Variants in CLIC5 observed in about 807,000 individuals in gnomAD.
The protein encoded by CLIC5 is CLIC family member 5.
A neutral mutation model predicts 24.7 loss-of-function variants in CLIC5; 20 were observed. The observed-to-expected ratio is 0.81, with a 90% CI of 0.57 to 1.18. The LOEUF is 1.18. CLIC5 is among the 50% of genes most tolerant of loss of function. The pLI is 0.00. For synonymous variants in CLIC5, 159 were observed against 135.6 expected, an observed-to-expected ratio of 1.17 and a Z score of -1.20; for missense variants, 341 against 326.1, an observed-to-expected ratio of 1.05 and a Z score of -0.35.
chr6:45,921,638 A>G (rs6904888), intron 4 of CLIC5, among the ~76,000 whole-genome samples: 51,881 of 151,426 alleles, frequency 0.34, 8,961 homozygotes, highest in East Asian at 0.47. Flanking sequence ...CAAGGCAGAA[A>G]TTCAGTGTCT....
At chr6:46,120,257 C>T in the CLIC5 span, among the ~76,000 whole-genome samples, 2 of 152,198 alleles carry the variant, frequency 1.3e-5, no homozygotes, top group South Asian at 4.1e-4. Context: ...GATCAGACAG[C>T]AACATTTGCT....
At chr6:45,967,904 C>T (rs78100556) in intron 1 of CLIC5, among the ~76,000 whole-genome samples, 76 of 152,290 alleles carry the variant, frequency 5.0e-4, no homozygotes, top group African/African-American at 1.6e-3. Context: ...AGGGAACCAA[C>T]CCCATGATCC....
At chr6:46,059,461 C>T (rs1375691190) in intron 1 of CLIC5, among the ~76,000 whole-genome samples, 1 of 152,126 alleles carries the variant, frequency 6.6e-6, no homozygotes, top group Admixed American at 6.5e-5. Context: ...GGAAGTTTTG[C>T]CTCTTTCATG....
intron 1 of CLIC5, among the ~76,000 whole-genome samples, chr6:46,027,342 A>T (rs1358344194): frequency 6.6e-6 from 1 of 152,190 alleles, no homozygotes; most frequent in African/African-American, 2.4e-5. Flanking sequence ...GGGAAGAGAG[A>T]TGGGAACAGC....
chr6:45,920,238 T>C (rs541838870), intron 4 of CLIC5: 2 of 984,022 alleles, frequency 2.0e-6, no homozygotes, highest in South Asian at 4.7e-5. Flanking sequence ...TTTCTCTGAG[T>C]AGAGGGGCAA....
intron 4 of CLIC5, among the ~76,000 whole-genome samples, chr6:45,919,746 G>T (rs565194796): frequency 6.6e-6 from 1 of 152,178 alleles, no homozygotes; most frequent in African/African-American, 2.4e-5. Context: ...CTACTGTCTT[G>T]TTGAAAATGC....
At chr6:45,923,828 C>G (rs979897424) in intron 4 of CLIC5, among the ~76,000 whole-genome samples, 7 of 152,190 alleles carry the variant, frequency 4.6e-5, no homozygotes, top group African/African-American at 1.4e-4. Flanking sequence ...ATACGCAAGT[C>G]AAGAGCACAG....
intron 1 of CLIC5, among the ~76,000 whole-genome samples, chr6:45,995,285 G>C (rs1384174730): frequency 2.6e-5 from 4 of 152,182 alleles, no homozygotes; most frequent in African/African-American, 9.7e-5. Flanking sequence ...TTCACATAAA[G>C]CTATTAGAGC....
intron 3 of CLIC5, among the ~76,000 whole-genome samples, chr6:45,945,959 A>G (rs947397602): frequency 7.2e-5 from 11 of 152,240 alleles, no homozygotes; most frequent in Non-Finnish European, 1.3e-4. Flanking sequence ...TTTTTATTAC[A>G]GCATCTATGT....
At chr6:46,070,338 C>G (rs1268885826) in intron 1 of CLIC5, among the ~76,000 whole-genome samples, 2 of 152,060 alleles carry the variant, frequency 1.3e-5, no homozygotes, top group Non-Finnish European at 2.9e-5. Flanking sequence ...AGTCTTGGCC[C>G]AAAAGCTCCT....
chr6:45,883,402 C>T (rs1047644583), intron 6 of CLIC5, among the ~76,000 whole-genome samples: 1 of 152,190 alleles, frequency 6.6e-6, no homozygotes, highest in Admixed American at 6.5e-5. Flanking sequence ...TTTTCCAACT[C>T]TAACATTCTA....
At chr6:45,948,195 T>A (rs1231630510) in intron 3 of CLIC5, among the ~76,000 whole-genome samples, 1 of 152,186 alleles carries the variant, frequency 6.6e-6, no homozygotes. Flanking sequence ...GATGAATAAA[T>A]AAAACTTTAA....
Position 45,886,560 on chromosome 6 carries a change from G to A in CLIC5, c.624-5372C>T, listed in dbSNP as rs116347135. ...TAATTATGGGGCAGGAGAATGGGGC[G>A]TTTGATTTATGCTTTTTGAGGATTA... is the stretch of plus-strand genomic sequence containing the variant. On this transcript the variant is annotated intron_variant, in intron 6 of 6. Coordinates refer to the CLIC5 transcript ENST00000644324. Among the ~76,000 whole-genome samples, 339 of 152,270 alleles carry A rather than the reference G, an allele frequency of 2.2e-3. 1 individual carries two copies. The highest frequency in any genetic ancestry group is 0.014 in the Middle Eastern group (4 of 294).
Position 45,900,043 on chromosome 6 carries a change from A to T in CLIC5, c.*3045T>A, listed in dbSNP as rs1394460265. 6.6e-6 allele frequency: 1 copy of T among 152,126 alleles called. No individual in the cohort carries two copies. The highest frequency in any genetic ancestry group is 1.5e-5 in the Non-Finnish European group (1 of 68,014). The allele number at this position is 152,126 out of a possible 1,614,324, so 9.4% of individuals were successfully genotyped here. A position where few individuals can be genotyped will look rare whatever the true frequency, so the allele number is the denominator to read the frequency against. On this transcript the variant is annotated 3_prime_UTR_variant, in exon 6 of 6. Coordinates refer to ENST00000339561, the MANE Select transcript of CLIC5 (RefSeq NM_016929.5). ...GAAGAAACTGTGCTTTGGATCCATC[A>T]TGATTTTACTTATCCAGCTTACTTT... is the stretch of plus-strand genomic sequence containing the variant.
At chr6:46,123,350 G>T in the CLIC5 span, among the ~76,000 whole-genome samples, 4 of 152,152 alleles carry the variant, frequency 2.6e-5, no homozygotes, top group East Asian at 7.7e-4. Context: ...TATCTCAATA[G>T]ATGCAGAAAA....
At chr6:46,011,428 T>G (rs1766805720) in intron 1 of CLIC5, among the ~76,000 whole-genome samples, 1 of 152,248 alleles carries the variant, frequency 6.6e-6, no homozygotes. Context: ...TGGAGCCACC[T>G]GAGAGTGGAT....
At position 45,920,660 on chromosome 6, in the gene CLIC5, GGAA is replaced by G. The variant is rs1218458220; in HGVS notation, c.407-6254_407-6252del. ...GAATATCACCACTTACTCATCTGTT[GGAA>G]GAAGAAGCCTTTCTTTCCACAGGCA... is the stretch of plus-strand genomic sequence containing the variant. On this transcript the variant is annotated intron_variant, in intron 4 of 5. Coordinates refer to ENST00000339561, the MANE Select transcript of CLIC5 (RefSeq NM_016929.5). 16 of 977,740 alleles carry G rather than the reference GGAA, an allele frequency of 1.6e-5. No homozygotes were observed. The African/African-American group carries it at 2.6e-4, about 16-fold the overall frequency. The allele number at this position is 977,740 out of a possible 1,614,324, so 60.6% of individuals were successfully genotyped here. A position where few individuals can be genotyped will look rare whatever the true frequency, so the allele number is the denominator to read the frequency against.
the CLIC5 span, among the ~76,000 whole-genome samples, chr6:46,116,362 A>C: frequency 3.9e-5 from 6 of 152,170 alleles, no homozygotes; most frequent in Non-Finnish European, 8.8e-5. Context: ...GGTAAAAGTT[A>C]TGTAGCACAA....
At chr6:46,069,631 A>G (rs1032423401) in intron 1 of CLIC5, among the ~76,000 whole-genome samples, 2 of 152,164 alleles carry the variant, frequency 1.3e-5, no homozygotes, top group Admixed American at 6.5e-5. Context: ...TCACAGCTGA[A>G]TCCTACCAGA....
Sources: gnomAD v4.1 joint callset for allele counts (sites outside exome capture counted in the v4.1 genomes callset) on GRCh38, gnomAD v4.1.1 for gene constraint, MANE v1.5 for transcripts, NCBI Gene and HGNC (gene_info 2026-07-23, HGNC 2026-07-21) for gene names.